Variants in CSMD2 observed in about 807,000 individuals in gnomAD.
The protein encoded by CSMD2 is CUB and Sushi multiple domains 2.
CSMD2 carries 130 observed loss-of-function variants against 398.5 expected under a neutral mutation model. The observed-to-expected ratio is 0.33, with a 90% CI of 0.28 to 0.38. CSMD2 has a LOEUF of 0.38. CSMD2 is among the 10% of genes least tolerant of loss of function. The pLI, the probability that CSMD2 is intolerant of heterozygous loss-of-function variation, is 1.00. For missense variants in CSMD2, 3,829 were observed against 4,764.9 expected (o/e 0.80, Z 5.78); for synonymous variants, 1,828 against 1,908.5 (o/e 0.96, Z 1.10).
At chr1:34,010,862 T>G (rs10799017) in intron 3 of CSMD2, among the ~76,000 whole-genome samples, 12,242 of 152,216 alleles carry the variant, frequency 0.08, 884 homozygotes, top group East Asian at 0.31. Flanking sequence ...CCTGACCTCG[T>G]GATCTGCCCG....
intron 52 of CSMD2, 118 bp downstream of exon 52, chr1:33,569,256 A>G (rs1292128621): frequency 9.0e-7 from 1 of 1,107,564 alleles, no homozygotes; most frequent in Non-Finnish European, 1.2e-6. Context: ...GTTTGGATTA[A>G]GCATTTTATG....
rs573326880 is a variant in CSMD2 at position 33,931,706 on chromosome 1, A to C, written c.712+4054T>G. On this transcript the variant is annotated intron_variant, in intron 4 of 70. Transcript: ENST00000373381. ...GGAAGCTACTTAAAATAAGTCTAAG[A>C]GACAGACTGGAAAGATTGGGGTGGG... Among the ~76,000 whole-genome samples the C allele has an allele frequency of 8.7e-4, 132 of 152,250 alleles. 4 individuals carry two copies. The South Asian group carries it at 0.022, about 26-fold the overall frequency.
In CSMD2 at chr1:33,652,459, G is replaced by A. The variant is rs368646887; in HGVS notation, c.4450C>T (p.Pro1484Ser). 17 of 1,613,768 alleles carry A rather than the reference G, an allele frequency of 1.1e-5. No individual in the cohort carries two copies. The highest frequency in any genetic ancestry group is 3.3e-5 in the Admixed American group (2 of 59,996). The stretch of plus-strand genomic sequence containing the variant: ...GGTCCTGTCAGGTCTCCCCCGCAGG[G>A]AGCTGAGGAGAGAAGAAGACGAGGG... ...WQPSPPTCIAPCGGDLTGPSG... is the reference protein window; with the variant it reads ...WQPSPPTCIASCGGDLTGPSG... The change falls in exon 28 of 71, where the codon CCC becomes TCC. Residue 1484 changes from proline to serine, a missense_variant and splice_region_variant. Coordinates refer to ENST00000373381, the MANE Select transcript of CSMD2 (RefSeq NM_001281956.2).
At chr1:33,789,805 G>A (rs1654011187) in intron 11 of CSMD2, among the ~76,000 whole-genome samples, 1 of 152,138 alleles carries the variant, frequency 6.6e-6, no homozygotes, top group African/African-American at 2.4e-5. Context: ...AAGGATTGTG[G>A]CCAGGCCAGT....
At chr1:34,028,709 G>T (rs1268788786) in intron 3 of CSMD2, among the ~76,000 whole-genome samples, 1 of 150,512 alleles carries the variant, frequency 6.6e-6, no homozygotes, top group Admixed American at 6.8e-5. Context: ...TCTGTCCACA[G>T]GGTTGTGGTG....
At chr1:33,621,223 T>G (rs1435379183) in intron 37 of CSMD2, among the ~76,000 whole-genome samples, 1 of 152,242 alleles carries the variant, frequency 6.6e-6, no homozygotes, top group East Asian at 1.9e-4. Flanking sequence ...TTTGTGCTTT[T>G]GAAGGCAGGG....
chr1:34,011,764 T>C (rs1348851973), intron 3 of CSMD2, among the ~76,000 whole-genome samples: 1 of 152,150 alleles, frequency 6.6e-6, no homozygotes, highest in Non-Finnish European at 1.5e-5. Context: ...AAAGCATAAA[T>C]TAAATGATTA....
chr1:33,975,884 C>T (rs528449831), intron 3 of CSMD2, among the ~76,000 whole-genome samples: 1 of 152,212 alleles, frequency 6.6e-6, no homozygotes, highest in African/African-American at 2.4e-5. Flanking sequence ...TCCTCGCTCC[C>T]TCCACCATTG....
chr1:33,788,688 A>T lies in CSMD2; in HGVS notation c.1575T>A (p.Asp525Glu). 6.2e-7 allele frequency: 1 copy of T among 1,613,364 alleles called. No homozygotes were observed. The highest frequency in any genetic ancestry group is 8.5e-7 in the Non-Finnish European group (1 of 1,179,336). The stretch of plus-strand genomic sequence containing the variant: ...TTTGATGATTGGTGCTGACAATGAG[A>T]TCCGGGACCGATGTACCTGTCAGGC... ...LYILTGTSVPDLIVSTNHQMW... is the reference protein window; with the variant it reads ...LYILTGTSVPELIVSTNHQMW... Residue 525 changes from aspartate (D) to glutamate (E), a missense_variant, in exon 12 of 71, where the codon GAT becomes GAA. By Grantham distance (45) the Asp-to-Glu change is conservative. Transcript: ENST00000373381.
intron 2 of CSMD2, among the ~76,000 whole-genome samples, chr1:34,054,785 G>T (rs571114668): frequency 6.6e-6 from 1 of 152,172 alleles, no homozygotes; most frequent in East Asian, 1.9e-4. Flanking sequence ...AAACATTATT[G>T]GAGCTGGTGA....
intron 5 of CSMD2, chr1:33,882,234 T>G (rs1330421923): frequency 5.9e-5 from 9 of 152,240 alleles, no homozygotes; most frequent in Admixed American, 5.2e-4. Flanking sequence ...TGGAGGCAAA[T>G]GTGAGTACTG....
chr1:34,107,126 CTG>C (rs911555483), intron 1 of CSMD2, among the ~76,000 whole-genome samples: 4 of 152,216 alleles, frequency 2.6e-5, no homozygotes, highest in African/African-American at 9.6e-5. Context: ...GATTCTACTC[CTG>C]TCTGGGTCTT....
intron 5 of CSMD2, among the ~76,000 whole-genome samples, chr1:33,916,313 T>C (rs977482051): frequency 1.3e-5 from 2 of 152,224 alleles, no homozygotes; most frequent in African/African-American, 4.8e-5. Context: ...ATTTTAATTT[T>C]TCCATACCTT....
Position 33,614,532 on chromosome 1 carries a change from G to A in CSMD2, c.6105C>T (p.Ser2035=). 6.2e-7 allele frequency: 1 copy of A among 1,609,996 alleles called. No homozygotes were observed. The part of the protein sequence containing the change: ...PGNYPSNMDC[S]WKIALPVGFG... Reference sequence around the variant, plus strand: ...AGCCCACGGGCAGTGCTATTTTCCAGGAGCAGTCCATGTTACTGGGGTAGT... The same window carrying A: ...AGCCCACGGGCAGTGCTATTTTCCAAGAGCAGTCCATGTTACTGGGGTAGT... The change falls in exon 40 of 71, where the codon TCC becomes TCT. Residue 2035 remains serine, a synonymous_variant. Coordinates refer to ENST00000373381, the MANE Select transcript of CSMD2 (RefSeq NM_001281956.2).
At chr1:33,924,140 T>C (rs947021559) in intron 4 of CSMD2, among the ~76,000 whole-genome samples, 1 of 152,162 alleles carries the variant, frequency 6.6e-6, no homozygotes, top group Non-Finnish European at 1.5e-5. Flanking sequence ...CTGCCTGGTT[T>C]ATTTTACTTA....
intron 3 of CSMD2, among the ~76,000 whole-genome samples, chr1:34,026,570 G>A (rs1649673453): frequency 6.6e-6 from 1 of 152,212 alleles, no homozygotes; most frequent in Non-Finnish European, 1.5e-5. Flanking sequence ...GAGTGCACGA[G>A]ATCCATGCTG....
chr1:33,980,330 T>C (rs537495154), intron 3 of CSMD2, among the ~76,000 whole-genome samples: 47 of 152,154 alleles, frequency 3.1e-4, no homozygotes, highest in African/African-American at 1.1e-3. Flanking sequence ...GCAGGAAGGG[T>C]AGCTGTCAGT....
intron 5 of CSMD2, among the ~76,000 whole-genome samples, chr1:33,848,806 G>A (rs1396604267): frequency 9.7e-6 from 1 of 103,250 alleles, no homozygotes; most frequent in Non-Finnish European, 1.9e-5. Context: ...CAAACGTATT[G>A]TGGGTTTTTT....
chr1:34,077,951 T>A (rs1018284754), intron 2 of CSMD2, among the ~76,000 whole-genome samples: 19 of 152,168 alleles, frequency 1.2e-4, no homozygotes, highest in African/African-American at 4.6e-4. Context: ...AATAATTTTT[T>A]AAAATGTAGT....
Sources: allele counts gnomAD v4.1 joint callset (sites outside exome capture counted in the v4.1 genomes callset), GRCh38; gene constraint gnomAD v4.1.1; transcripts MANE v1.5; gene names NCBI Gene and HGNC (gene_info 2026-07-23, HGNC 2026-07-21).